Variants in POLE observed in about 807,000 individuals in gnomAD.
POLE encodes the protein DNA polymerase epsilon catalytic subunit A.
A neutral mutation model predicts 279.2 loss-of-function variants in POLE; 188 were observed. The ratio of observed to expected loss-of-function variants is 0.67; its 90% confidence interval spans 0.60 to 0.76. POLE has a LOEUF of 0.76. Ranked by LOEUF, POLE falls within the 30% of genes least tolerant of loss-of-function variation. The pLI is 0.00. For synonymous variants in POLE, 1,214 were observed against 1,172.5 expected (o/e 1.04, Z -0.72); for missense variants, 2,703 against 3,016.7 (o/e 0.90, Z 2.44).
At chr12:132,665,623 T>G (rs976552271) in intron 20 of POLE, among the ~76,000 whole-genome samples, 173 bp from the exon 21 acceptor site, 8 of 152,198 alleles carry the variant, frequency 5.3e-5, no homozygotes, top group African/African-American at 1.9e-4. Flanking sequence ...TGTCAATATT[T>G]TGTCACACTT....
intron 8 of POLE, 69 bp from the exon 9 acceptor site, chr12:132,676,722 C>G: frequency 1.1e-6 from 1 of 926,182 alleles, no homozygotes; most frequent in East Asian, 2.5e-5. Flanking sequence ...ACACCCACCC[C>G]CAGCCTGCTC....
Position 132,641,721 on chromosome 12 carries a change from GTCC to G in POLE, c.5301_5303del (p.Glu1767del), listed in dbSNP as rs1384201532. ...TGGCAGCCTGACCACCCGTGATCAT[GTCC>G]TCCAGGGAGGCCTGCTGGATCACGT... is the stretch of plus-strand genomic sequence containing the variant. On this transcript the variant is annotated inframe_deletion, in exon 39 of 49. Coordinates refer to ENST00000320574, the MANE Select transcript of POLE (RefSeq NM_006231.4). 6.2e-7 allele frequency: 1 copy of G among 1,613,344 alleles called. No homozygotes were observed. Among genetic ancestry groups the G allele is most frequent in the African/African-American group, 1.3e-5 (1 of 74,924 alleles).
At chr12:132,663,965 G>A (rs2042732891) in intron 23 of POLE, 39 bp downstream of exon 23, 2 of 1,612,008 alleles carry the variant, frequency 1.2e-6, no homozygotes, top group Admixed American at 1.7e-5. Flanking sequence ...ACTGACGCCA[G>A]GCCAGCCAGA....
Position 132,681,275 on chromosome 12 carries a change from C to A in POLE, c.67G>T (p.Asp23Tyr), listed in dbSNP as rs970095477. 1 of 1,614,036 alleles carries A rather than the reference C, an allele frequency of 6.2e-7. No homozygotes were observed. The highest frequency in any genetic ancestry group is 8.5e-7 in the Non-Finnish European group (1 of 1,180,016). The change falls in exon 2 of 49, where the codon GAT (aspartate) becomes TAT (tyrosine). Residue 23 changes from aspartate (D) to tyrosine (Y), a missense_variant. By Grantham distance (160) the Asp-to-Tyr change is radical. This residue lies in a region of POLE where 1,011 missense variants were observed against 1,111.7 expected (regional missense o/e 0.91). Coordinates refer to ENST00000320574, the MANE Select transcript of POLE (RefSeq NM_006231.4). The part of the protein sequence containing the change: ...PGADGEASRD[D>Y]GATSSVSALK... ...GCCGAAACTGAGGAAGTGGCGCCAT[C>A]ATCCCTGAGTGAAAGAAGGGAACCC...
chr12:132,673,727 A>G lies in POLE; in HGVS notation c.1227-20T>C, dbSNP rs2136001180. ...ACCCACCTGGAAGGAGAATGAGAAC[A>G]GAAGCCAGGATGATTCTAACATGCA... On this transcript the variant is annotated intron_variant, in intron 12 of 48. Coordinates refer to ENST00000320574, the MANE Select transcript of POLE (RefSeq NM_006231.4). The G allele has an allele frequency of 6.2e-7, 1 of 1,612,576 alleles. No homozygotes were observed. The highest frequency in any genetic ancestry group is 8.5e-7 in the Non-Finnish European group (1 of 1,179,928).
intron 46 of POLE, 88 bp downstream of exon 46, chr12:132,626,028 AG>A: frequency 1.5e-6 from 2 of 1,334,262 alleles, no homozygotes; most frequent in Non-Finnish European, 2.1e-6. Context: ...TGTGACCCAC[AG>A]AGCTGGAGCT....
In POLE at chr12:132,642,489, G is replaced by A. The variant is rs750268044; in HGVS notation, c.4952+17C>T. The stretch of plus-strand genomic sequence containing the variant: ...TGCCTGGGGACCACTGGCCCACAAC[G>A]ACAGTACTGTGCTCACCTGCTCATC... On this transcript the variant is annotated intron_variant, in intron 37 of 48. Transcript: ENST00000320574. The A allele has an allele frequency of 5.1e-5, 83 of 1,611,894 alleles. No individual in the cohort carries two copies. The highest frequency in any genetic ancestry group is 3.2e-4 in the Admixed American group (19 of 59,978).
intron 8 of POLE, among the ~76,000 whole-genome samples, 174 bp from the exon 9 acceptor site, chr12:132,676,827 C>T (rs1032003142): frequency 6.6e-6 from 1 of 152,096 alleles, no homozygotes; most frequent in African/African-American, 2.4e-5. Flanking sequence ...TCACGACTCC[C>T]TATGGTATGA....
chr12:132,634,789 G>A lies in POLE; in HGVS notation c.5812-411C>T, dbSNP rs1017696413. ...CCGCGCAGCCTGTGTTCGTGCCACG[G>A]CACCATCCACGTCTGTGTAGACACC... On this transcript the variant is annotated intron_variant, in intron 42 of 48. Coordinates refer to ENST00000320574, the MANE Select transcript of POLE (RefSeq NM_006231.4). This position sits in a 1 kb window ranked among gnomAD's most constrained non-coding sequence, Gnocchi z 4.0. 8.5e-5 allele frequency among the ~76,000 whole-genome samples: 13 copies of A among 152,100 alleles called. No individual in the cohort carries two copies. The highest frequency in any genetic ancestry group is 3.1e-4 in the African/African-American group (13 of 41,412).
In POLE at chr12:132,675,616, G is replaced by GCATT; in HGVS notation, c.1107-100_1107-99insAATG. On this transcript the variant is annotated intron_variant, in intron 11 of 48. Coordinates refer to ENST00000320574, the MANE Select transcript of POLE (RefSeq NM_006231.4). The surrounding 1 kb of genome is among the most constrained non-coding windows in gnomAD (Gnocchi z 4.3). Reference sequence around the variant, plus strand: ...GACCCAGGGAGGAACCCAGACACGGGAGGTGCAGAGTGAACCCAGGAGCCA... The same window carrying GCATT: ...GACCCAGGGAGGAACCCAGACACGGGCATTAGGTGCAGAGTGAACCCAGGAGCCA... 1 of 1,591,232 alleles carries GCATT rather than the reference G, an allele frequency of 6.3e-7. No individual in the cohort carries two copies. The highest frequency in any genetic ancestry group is 8.6e-7 in the Non-Finnish European group (1 of 1,164,508).
chr12:132,624,936 G>C lies in POLE; in HGVS notation c.6716C>G (p.Ala2239Gly), dbSNP rs190813054. The change falls in exon 48 of 49, where the codon GCG (alanine) becomes GGG (glycine). Residue 2239 changes from alanine (A) to glycine (G), a missense_variant. Coordinates refer to ENST00000320574, the MANE Select transcript of POLE (RefSeq NM_006231.4). ...GTGGATGGTGAGGGCGAAGTCTCCC[G>C]CGCAGCTGCAGTACACAGGCATGCT... ...ETSMPVYCSC[A>G]GDFALTIHTQ... 6.2e-7 allele frequency: 1 copy of C among 1,613,948 alleles called. No individual in the cohort carries two copies. The highest frequency in any genetic ancestry group is 1.7e-5 in the Admixed American group (1 of 60,008).
intron 16 of POLE, among the ~76,000 whole-genome samples, chr12:132,670,160 C>T (rs1429040866): frequency 1.3e-5 from 2 of 151,728 alleles, no homozygotes; most frequent in South Asian, 2.1e-4. Context: ...CAGCTGAGGT[C>T]GGGAGTTCGA....
At chr12:132,646,480 C>A (rs2042286384) in intron 32 of POLE, among the ~76,000 whole-genome samples, 1 of 150,838 alleles carries the variant, frequency 6.6e-6, no homozygotes, top group Non-Finnish European at 1.5e-5. Context: ...TAATGTATAG[C>A]AGGTCCTCAA....
chr12:132,667,547 G>C lies in POLE; in HGVS notation c.2275C>G (p.Arg759Gly), dbSNP rs759398253. 6.2e-7 allele frequency: 1 copy of C among 1,613,988 alleles called. No homozygotes were observed. The highest frequency in any genetic ancestry group is 1.3e-5 in the African/African-American group (1 of 74,972). Residue 759 changes from arginine (R) to glycine (G), a missense_variant, in exon 20 of 49, where the codon CGT becomes GGT. This residue lies in a region of POLE where 1,011 missense variants were observed against 1,111.7 expected (regional missense o/e 0.91). Transcript: ENST00000320574. ...RENSFYVDTV[R>G]AFRDRRYEFK... ...TCGTAACGCCTGTCCCGGAAGGCAC[G>C]CACGGTGTCCACGTAGAAGGAGTTT...
chr12:132,670,052 TCTCA>T (rs67795875), intron 16 of POLE, among the ~76,000 whole-genome samples: 18,449 of 151,980 alleles, frequency 0.12, 1,226 homozygotes, highest in South Asian at 0.16. Context: ...TACCTGCCCA[TCTCA>T]CTGTTTCTTA....
rs760222689 is a variant in POLE, at chr12:132,649,405, G to A, written c.3906C>T (p.Leu1302=). ...RQRLESAEGV[L]RPGAIRDGPA... ...GACCATCCCGGATGGCCCCGGGCCT[G>A]AGCACACCCTCTGCCGACTCCAGAC... The change falls in exon 31 of 49, where the codon CTC becomes CTT. Residue 1302 remains leucine, a synonymous_variant. Coordinates refer to ENST00000320574, the MANE Select transcript of POLE (RefSeq NM_006231.4). 1 of 1,613,256 alleles carries A rather than the reference G, an allele frequency of 6.2e-7. No individual in the cohort carries two copies. Among genetic ancestry groups the A allele is most frequent in the Non-Finnish European group, 8.5e-7 (1 of 1,180,034 alleles).
chr12:132,636,928 C>T (rs1249344551), intron 41 of POLE, among the ~76,000 whole-genome samples: 1 of 152,240 alleles, frequency 6.6e-6, no homozygotes, highest in Non-Finnish European at 1.5e-5. Context: ...GGAAGAATAG[C>T]AGCCTGTTTC....
At chr12:132,630,693 T>G (rs1456351483) in intron 45 of POLE, among the ~76,000 whole-genome samples, 3 of 152,198 alleles carry the variant, frequency 2.0e-5, no homozygotes, top group African/African-American at 7.2e-5. Flanking sequence ...CACCCCAGCC[T>G]GGGCAATGAG....
chr12:132,624,997 G>A lies in POLE; in HGVS notation c.6658-3C>T, dbSNP rs2041802587. The stretch of plus-strand genomic sequence containing the variant: ...ACCCCGCGGCACTTCAGGCAGACCT[G>A]AAAGGGAGCAGCCCCGATGGGCGCC... On this transcript the variant is annotated splice_region_variant and splice_polypyrimidine_tract_variant and intron_variant, in intron 47 of 48. Transcript: ENST00000320574. The A allele has an allele frequency of 6.2e-7, 1 of 1,612,782 alleles. No individual in the cohort carries two copies. The highest frequency in any genetic ancestry group is 8.5e-7 in the Non-Finnish European group (1 of 1,179,132).
Sources: allele counts gnomAD v4.1 joint callset (sites outside exome capture counted in the v4.1 genomes callset), GRCh38; gene constraint gnomAD v4.1.1; regional missense constraint gnomAD v4.1.1; non-coding constraint Gnocchi (gnomAD v3.1); transcripts MANE v1.5; gene names NCBI Gene and HGNC (gene_info 2026-07-23, HGNC 2026-07-21).